Variants in STK3 observed in about 807,000 individuals in gnomAD.
The protein encoded by STK3 is serine/threonine-protein kinase 3.
STK3 carries 41 observed loss-of-function variants against 58.0 expected under a neutral mutation model. The observed-to-expected ratio is 0.71, with a 90% confidence interval of 0.55 to 0.92. The LOEUF (loss-of-function observed/expected upper bound fraction) is 0.92. STK3 is among the 40% of genes least tolerant of loss of function. The probability of loss-of-function intolerance (pLI) is 0.00; values close to 1 mark genes in which losing one functional copy is unlikely to be tolerated. For missense variants in STK3, 479 were observed against 602.7 expected (o/e 0.79, Z 2.15); for synonymous variants, 170 against 191.0 (o/e 0.89, Z 0.91).
chr8:98,453,992 T>A (rs949969099), downstream of STK3, among the ~76,000 whole-genome samples: 2 of 152,244 alleles, frequency 1.3e-5, no homozygotes, highest in African/African-American at 4.8e-5. Context: ...CTTCATTTTT[T>A]AATAATCTTT....
chr8:98,750,013 A>C (rs1264949515), intron 3 of STK3, among the ~76,000 whole-genome samples: 1 of 152,182 alleles, frequency 6.6e-6, no homozygotes, highest in Non-Finnish European at 1.5e-5. Context: ...AATAATGTAT[A>C]TTATGGATAA....
intron 1 of STK3, among the ~76,000 whole-genome samples, chr8:98,448,532 T>C (rs765454438): frequency 6.6e-6 from 1 of 152,314 alleles, no homozygotes; most frequent in South Asian, 2.1e-4. Context: ...CTATCTAACA[T>C]GGTCGGTATA....
At chr8:98,856,320 C>CAAAAAAAAAAAA (rs71572026) in intron 3 of STK3, among the ~76,000 whole-genome samples, 1 of 101,664 alleles carries the variant, frequency 9.8e-6, no homozygotes, top group Non-Finnish European at 2.0e-5. Context: ...GACTCCATCT[C>CAAAAAAAAAAAA]AAAAAAAAAA....
intron 3 of STK3, among the ~76,000 whole-genome samples, chr8:98,856,091 G>T (rs1376648443): frequency 2.7e-5 from 4 of 146,074 alleles, no homozygotes; most frequent in Admixed American, 6.9e-5. Context: ...GGAGGCGGAG[G>T]TTGCAGTGGG....
intron 6 of STK3, among the ~76,000 whole-genome samples, chr8:98,608,015 CAAAATAGA>C (rs1408792131): frequency 6.6e-6 from 1 of 151,908 alleles, no homozygotes; most frequent in African/African-American, 2.4e-5. Flanking sequence ...TTTAATGTAA[CAAAATAGA>C]AAAACTCACT....
At chr8:98,471,812 A>T (rs1363429267) in intron 10 of STK3, among the ~76,000 whole-genome samples, 1 of 152,182 alleles carries the variant, frequency 6.6e-6, no homozygotes, top group Non-Finnish European at 1.5e-5. Flanking sequence ...TCTGTCAACC[A>T]AAAAAGTAAA....
chr8:98,721,037 A>G (rs2131184699), intron 4 of STK3: 1 of 933,984 alleles, frequency 1.1e-6, no homozygotes, highest in Non-Finnish European at 1.3e-6. Context: ...CAAAACAAAT[A>G]TACCTGTTAA....
intron 1 of STK3, among the ~76,000 whole-genome samples, chr8:98,929,522 C>T (rs73279739): frequency 0.016 from 2,509 of 152,178 alleles, 62 homozygotes; most frequent in African/African-American, 0.058. Flanking sequence ...TGGTGGTGCA[C>T]CACTGCAGTC....
intron 3 of STK3, among the ~76,000 whole-genome samples, chr8:98,868,230 T>G (rs1837217969): frequency 6.6e-6 from 1 of 152,190 alleles, no homozygotes; most frequent in Non-Finnish European, 1.5e-5. Context: ...TTTACTGAAG[T>G]CAACTTTTTA....
intron 6 of STK3, among the ~76,000 whole-genome samples, chr8:98,656,391 C>G (rs555275829): frequency 6.6e-6 from 1 of 151,872 alleles, no homozygotes; most frequent in South Asian, 2.1e-4. Context: ...TGCTAAATGA[C>G]GAGTTAATGG....
At chr8:98,601,724 G>GA (rs1364505133) in intron 6 of STK3, 2 of 152,244 alleles carry the variant, frequency 1.3e-5, no homozygotes, top group African/African-American at 4.8e-5. Context: ...GAGTCATAAA[G>GA]AATGAGTGAG....
chr8:98,899,275 T>C (rs962772116), intron 1 of STK3, among the ~76,000 whole-genome samples: 2 of 152,098 alleles, frequency 1.3e-5, no homozygotes, highest in African/African-American at 4.8e-5. Context: ...CTATTTTGCC[T>C]TCCCCAGTTT....
intron 1 of STK3, among the ~76,000 whole-genome samples, chr8:98,778,021 T>A (rs1234401678): frequency 6.6e-6 from 1 of 152,044 alleles, no homozygotes; most frequent in African/African-American, 2.4e-5. Flanking sequence ...AAGCCAAAAT[T>A]GACAAATGGG....
At chr8:98,443,529 T>C (rs1312661321) in intron 1 of STK3, among the ~76,000 whole-genome samples, 1 of 152,182 alleles carries the variant, frequency 6.6e-6, no homozygotes, top group African/African-American at 2.4e-5. Context: ...AGGCATTTAG[T>C]AGTTAAAAAT....
chr8:98,889,599 A>G (rs1838121967), intron 1 of STK3, among the ~76,000 whole-genome samples: 1 of 152,244 alleles, frequency 6.6e-6, no homozygotes, highest in South Asian at 2.1e-4. Context: ...ATGTTTTAAA[A>G]GATAAAAATA....
chr8:98,677,312 A>C (rs1823289719), intron 6 of STK3, among the ~76,000 whole-genome samples: 1 of 151,288 alleles, frequency 6.6e-6, no homozygotes, highest in Admixed American at 6.6e-5. Flanking sequence ...GGACTCTCAA[A>C]CCTTCAAATC....
At chr8:98,645,063 A>C (rs1820300242) in intron 6 of STK3, among the ~76,000 whole-genome samples, 2 of 152,224 alleles carry the variant, frequency 1.3e-5, no homozygotes, top group Admixed American at 1.3e-4. Flanking sequence ...GACCAATTAG[A>C]ACAGTTATTA....
intron 9 of STK3, among the ~76,000 whole-genome samples, chr8:98,541,338 C>G (rs1249971857): frequency 6.6e-6 from 1 of 152,030 alleles, no homozygotes; most frequent in African/African-American, 2.4e-5. Flanking sequence ...CTCACAGGAT[C>G]TGGTTGTTTA....
intron 6 of STK3, among the ~76,000 whole-genome samples, chr8:98,641,961 CT>C (rs1200367753): frequency 6.6e-6 from 1 of 152,190 alleles, no homozygotes; most frequent in African/African-American, 2.4e-5. Context: ...TTAATGTCCC[CT>C]TAGCATCTTC....
Sources: allele counts gnomAD v4.1 joint callset (sites outside exome capture counted in the v4.1 genomes callset), GRCh38; gene constraint gnomAD v4.1.1; transcripts MANE v1.5; gene names NCBI Gene and HGNC (gene_info 2026-07-23, HGNC 2026-07-21).